Variants in SLC16A7 observed in about 807,000 individuals in gnomAD.
SLC16A7 encodes monocarboxylate transporter 2.
Under a neutral mutation model 34.9 loss-of-function variants are expected in SLC16A7, and 33 were observed. That is an observed-to-expected ratio of 0.94 (90% confidence interval 0.72 to 1.26). SLC16A7 has a LOEUF of 1.26. SLC16A7 is among the 50% of genes most tolerant of loss of function. The pLI is 0.00. For synonymous variants in SLC16A7, 201 were observed against 206.6 expected (o/e 0.97, Z 0.23); for missense variants, 573 against 578.1 (o/e 0.99, Z 0.09).
At position 59,666,168 on chromosome 12, in the gene SLC16A7, ACT is replaced by A. The variant is rs141961515; in HGVS notation, c.-31+10923_-31+10924del. ...TTGGGAGTGCTAAAACTAAAATCAA[ACT>A]CTCTGTTTACTTGCTGAAAAGTCGA... On this transcript the variant is annotated intron_variant, in intron 2 of 5. Coordinates refer to ENST00000547379, the MANE Select transcript of SLC16A7 (RefSeq NM_001270623.2). 1.8e-3 allele frequency among the ~76,000 whole-genome samples: 276 copies of A among 151,942 alleles called. 1 individual carries two copies. The highest frequency in any genetic ancestry group is 6.2e-3 in the African/African-American group (257 of 41,408).
intron 2 of SLC16A7, among the ~76,000 whole-genome samples, chr12:59,680,843 C>T (rs1164211157): frequency 1.3e-5 from 2 of 151,940 alleles, no homozygotes; most frequent in Non-Finnish European, 2.9e-5. Context: ...GGCTGTTCAC[C>T]CTTCATTTGC....
At chr12:59,753,034 A>G (rs1307515439) in intron 3 of SLC16A7, among the ~76,000 whole-genome samples, 1 of 152,042 alleles carries the variant, frequency 6.6e-6, no homozygotes, top group Non-Finnish European at 1.5e-5. Flanking sequence ...GAAATAAAAT[A>G]CTCTACAGAC....
At chr12:59,598,646 T>C (rs1294220363) in intron 1 of SLC16A7, among the ~76,000 whole-genome samples, 1 of 152,204 alleles carries the variant, frequency 6.6e-6, no homozygotes, top group African/African-American at 2.4e-5. Context: ...TGTCCATTAA[T>C]AGTGATCCTT....
intron 1 of SLC16A7, among the ~76,000 whole-genome samples, chr12:59,626,091 GAA>G (rs1879917050): frequency 6.6e-6 from 1 of 151,648 alleles, no homozygotes; most frequent in South Asian, 2.1e-4. Flanking sequence ...AGGCAAAAAA[GAA>G]TATATCAGTA....
chr12:59,675,407 G>C (rs563301114), intron 2 of SLC16A7, among the ~76,000 whole-genome samples: 1 of 152,090 alleles, frequency 6.6e-6, no homozygotes, highest in Non-Finnish European at 1.5e-5. Context: ...ACAGAGGAAG[G>C]CTAAGTGAGC....
At chr12:59,760,523 TAAC>T (rs1179726335) in intron 3 of SLC16A7, among the ~76,000 whole-genome samples, 5 of 152,208 alleles carry the variant, frequency 3.3e-5, no homozygotes, top group East Asian at 1.9e-4. Flanking sequence ...AAGAAGAGAT[TAAC>T]AACAATTCAT....
chr12:59,766,509 A>T (rs1019432313), intron 3 of SLC16A7, among the ~76,000 whole-genome samples: 2 of 152,194 alleles, frequency 1.3e-5, no homozygotes, highest in South Asian at 4.1e-4. Flanking sequence ...TGTCCCATCA[A>T]TACCTAATTT....
chr12:59,655,719 T>G (rs900227647), intron 2 of SLC16A7, among the ~76,000 whole-genome samples: 2 of 151,872 alleles, frequency 1.3e-5, no homozygotes, highest in African/African-American at 2.4e-5. Context: ...TTTTTTACGT[T>G]CATATTTTGT....
intron 2 of SLC16A7, among the ~76,000 whole-genome samples, chr12:59,681,102 C>A (rs1870710550): frequency 6.6e-6 from 1 of 152,146 alleles, no homozygotes; most frequent in Non-Finnish European, 1.5e-5. Context: ...GAAAAAATGA[C>A]CCCTGTTCAA....
intron 1 of SLC16A7, among the ~76,000 whole-genome samples, chr12:59,632,465 G>A (rs373997339): frequency 6.6e-6 from 1 of 151,950 alleles, no homozygotes; most frequent in Non-Finnish European, 1.5e-5. Context: ...TGGGACTAGG[G>A]TTGGGTAAGG....
At chr12:59,659,053 G>A (rs1020264359) in intron 2 of SLC16A7, among the ~76,000 whole-genome samples, 2 of 151,982 alleles carry the variant, frequency 1.3e-5, no homozygotes, top group Non-Finnish European at 2.9e-5. Context: ...GCCTAGAGTA[G>A]GTAGTTTTAT....
At chr12:59,601,593 T>C (rs924529386) in intron 1 of SLC16A7, among the ~76,000 whole-genome samples, 3 of 152,174 alleles carry the variant, frequency 2.0e-5, no homozygotes, top group African/African-American at 7.2e-5. Context: ...TGCAGAGCAT[T>C]GGGTGTCTGT....
intron 1 of SLC16A7, among the ~76,000 whole-genome samples, chr12:59,628,399 C>T (rs1173316327): frequency 6.6e-6 from 1 of 151,822 alleles, no homozygotes; most frequent in Non-Finnish European, 1.5e-5. Flanking sequence ...TTTGAATACT[C>T]TGTTCTTTAT....
intron 3 of SLC16A7, among the ~76,000 whole-genome samples, chr12:59,722,909 G>C (rs923682284): frequency 2.0e-5 from 3 of 151,862 alleles, no homozygotes; most frequent in Non-Finnish European, 2.9e-5. Flanking sequence ...TTATCCACTA[G>C]TCACATGTAG....
intron 1 of SLC16A7, among the ~76,000 whole-genome samples, chr12:59,635,241 G>T (rs936154885): frequency 2.6e-5 from 4 of 151,960 alleles, no homozygotes; most frequent in Non-Finnish European, 5.9e-5. Context: ...CTTTCTACTT[G>T]TTGGCCCTAA....
At chr12:59,695,011 T>C (rs1457588629) in intron 2 of SLC16A7, among the ~76,000 whole-genome samples, 1 of 151,886 alleles carries the variant, frequency 6.6e-6, no homozygotes, top group African/African-American at 2.4e-5. Context: ...TTCACAGAAA[T>C]GTTGGTGAGC....
intron 4 of SLC16A7, 47 bp downstream of exon 4, chr12:59,771,409 C>T (rs1394484190): frequency 3.0e-6 from 4 of 1,344,912 alleles, no homozygotes; most frequent in Non-Finnish European, 2.0e-6. Flanking sequence ...CTGTTATTTT[C>T]AAAGCTCTAT....
At chr12:59,716,542 C>T (rs1874924823) in intron 3 of SLC16A7, among the ~76,000 whole-genome samples, 3 of 152,108 alleles carry the variant, frequency 2.0e-5, no homozygotes, top group African/African-American at 7.2e-5. Context: ...ATATGACTTA[C>T]ACTGATACAG....
intron 2 of SLC16A7, among the ~76,000 whole-genome samples, chr12:59,661,192 G>A (rs1486403918): frequency 6.6e-6 from 1 of 152,026 alleles, no homozygotes; most frequent in Admixed American, 6.6e-5. Context: ...GTCTGCATTT[G>A]TATTAGATGT....
Sources: allele counts gnomAD v4.1 joint callset (sites outside exome capture counted in the v4.1 genomes callset), GRCh38; gene constraint gnomAD v4.1.1; transcripts MANE v1.5; gene names NCBI Gene and HGNC (gene_info 2026-07-23, HGNC 2026-07-21).